SBF2: variants seen among roughly 807,000 people sequenced by gnomAD.
The protein encoded by SBF2 is SET binding factor 2.
In SBF2, 112 loss-of-function variants were observed where a neutral mutation model predicts 225.2. The observed-to-expected ratio is 0.50, with a 90% CI of 0.43 to 0.58. The LOEUF (loss-of-function observed/expected upper bound fraction) is 0.58. Among genes scored for constraint, SBF2 ranks in the 20% least tolerant of loss-of-function variants. SBF2 has a pLI of 0.00. For missense variants in SBF2, 1,996 were observed against 2,206.2 expected (o/e 0.90, Z 1.91); for synonymous variants, 763 against 773.3 (o/e 0.99, Z 0.22).
chr11:10,063,346 T>TA (rs1950515516), intron 2 of SBF2, among the ~76,000 whole-genome samples: 2 of 84,108 alleles, frequency 2.4e-5, no homozygotes, highest in African/African-American at 6.6e-5. Context: ...ATATATATAT[T>TA]TTTTTAATTT....
At chr11:10,298,268 G>A (rs1448028459), upstream of SBF2, among the ~76,000 whole-genome samples, 3 of 152,182 alleles carry the variant, frequency 2.0e-5, no homozygotes, top group African/African-American at 7.2e-5. Context: ...GCAGGTGCCT[G>A]TAATCCCAGC....
At chr11:10,176,830 A>G (rs567855305) in intron 2 of SBF2, among the ~76,000 whole-genome samples, 110 of 152,348 alleles carry the variant, frequency 7.2e-4, no homozygotes, top group Non-Finnish European at 1.4e-3. Context: ...AATCCTCCCT[A>G]ACTCATTTTA....
Position 10,208,346 on chromosome 11 carries a change from A to G in SBF2, c.56-14359T>C, listed in dbSNP as rs148635607. ...GGAAAACTATACCAGTTTAAATTATACCAATTTAAACTAAGCCTCAATAAC... is the reference window on the plus strand; with the variant it reads ...GGAAAACTATACCAGTTTAAATTATGCCAATTTAAACTAAGCCTCAATAAC... On this transcript the variant is annotated intron_variant, in intron 1 of 39. Transcript: ENST00000256190. Among the ~76,000 whole-genome samples the G allele has an allele frequency of 1.9e-3, 283 of 152,232 alleles. 2 individuals are homozygous for G. Among genetic ancestry groups the G allele is most frequent in the African/African-American group, 6.3e-3 (261 of 41,558 alleles).
chr11:9,882,478 A>G (rs1461088583), intron 17 of SBF2, among the ~76,000 whole-genome samples: 1 of 152,178 alleles, frequency 6.6e-6, no homozygotes, highest in Admixed American at 6.6e-5. Flanking sequence ...ACTTCCATAC[A>G]GTTCTGTTTT....
At chr11:10,131,042 C>T (rs773839706) in intron 2 of SBF2, among the ~76,000 whole-genome samples, 8 of 151,990 alleles carry the variant, frequency 5.3e-5, no homozygotes, top group Non-Finnish European at 1.2e-4. Context: ...GGAGAAACGC[C>T]CAAGAGTACA....
In SBF2 at chr11:9,797,377, A is replaced by C. The variant is rs1853186401; in HGVS notation, c.4444-1420T>G. 2.0e-5 allele frequency among the ~76,000 whole-genome samples: 3 copies of C among 152,342 alleles called. 1 individual carries two copies. The highest frequency in any genetic ancestry group is 6.8e-3 in the Middle Eastern group (2 of 294). On this transcript the variant is annotated intron_variant, in intron 32 of 39. Coordinates refer to ENST00000256190, the MANE Select transcript of SBF2 (RefSeq NM_030962.4). ...AATTGAAGTAAAATTTTAGCTTGTA[A>C]GTAATGTAAAATAAAATGGATTTTA...
chr11:9,974,615 C>T (rs895945137), intron 13 of SBF2, among the ~76,000 whole-genome samples: 2 of 150,694 alleles, frequency 1.3e-5, no homozygotes, highest in Admixed American at 6.6e-5. Flanking sequence ...CCACCACATA[C>T]CTGTTGGAAA....
intron 28 of SBF2, among the ~76,000 whole-genome samples, chr11:9,825,549 C>G (rs1855014978): frequency 1.3e-5 from 2 of 152,138 alleles, no homozygotes; most frequent in Admixed American, 1.3e-4. Flanking sequence ...TTAGGAAATC[C>G]TGCAATTACA....
chr11:10,233,880 C>A (rs1958957318), intron 1 of SBF2, among the ~76,000 whole-genome samples: 2 of 152,204 alleles, frequency 1.3e-5, no homozygotes, highest in South Asian at 4.1e-4. Context: ...GGTCTCCCTA[C>A]TGGGCTGGCT....
chr11:10,066,359 T>C (rs1950623846), intron 2 of SBF2, among the ~76,000 whole-genome samples: 1 of 151,224 alleles, frequency 6.6e-6, no homozygotes, highest in Non-Finnish European at 1.5e-5. Flanking sequence ...TATATATATC[T>C]TTTATTTTAG....
At chr11:10,066,303 T>C (rs1273927222) in intron 2 of SBF2, among the ~76,000 whole-genome samples, 1 of 151,264 alleles carries the variant, frequency 6.6e-6, no homozygotes, top group Non-Finnish European at 1.5e-5. Context: ...ATGAACACAG[T>C]TGTAAAAATA....
intron 13 of SBF2, among the ~76,000 whole-genome samples, chr11:9,977,966 G>A (rs1322449673): frequency 2.0e-5 from 3 of 152,120 alleles, no homozygotes; most frequent in African/African-American, 7.2e-5. Flanking sequence ...ACACATACCA[G>A]ACTTCAGTGC....
intron 2 of SBF2, among the ~76,000 whole-genome samples, chr11:10,072,911 TATCATC>T (rs1331946956): frequency 3.4e-3 from 299 of 87,864 alleles, no homozygotes; most frequent in African/African-American, 0.011. Context: ...TTATTATTAT[TATCATC>T]ATCATCATCA....
intron 2 of SBF2, among the ~76,000 whole-genome samples, chr11:10,164,620 G>A (rs1411881055): frequency 6.6e-6 from 1 of 152,148 alleles, no homozygotes; most frequent in African/African-American, 2.4e-5. Context: ...GGAGCACGGT[G>A]CTTCCTTTAA....
chr11:9,927,359 C>T (rs765981903), intron 16 of SBF2, among the ~76,000 whole-genome samples: 2 of 152,060 alleles, frequency 1.3e-5, no homozygotes, highest in South Asian at 4.2e-4. Context: ...AAAATTGAGC[C>T]GGAGTATGCA....
rs1184973617 is a variant in SBF2 at position 9,785,197 on chromosome 11, G to C, written c.5159C>G (p.Ser1720Cys). Residue 1720 changes from serine (S) to cysteine (C), a missense_variant, in exon 37 of 40, where the codon TCC (serine) becomes TGC (cysteine). Coordinates refer to ENST00000256190, the MANE Select transcript of SBF2 (RefSeq NM_030962.4). The part of the protein sequence containing the change: ...SMGEEQNSSI[S>C]PSNGVERRAA... ...TCTTCGCTCCACTCCATTGGATGGGGAGATGCTGGAATTCTGTTCCTCCCC... is the reference window on the plus strand; with the variant it reads ...TCTTCGCTCCACTCCATTGGATGGGCAGATGCTGGAATTCTGTTCCTCCCC... 6.2e-7 allele frequency: 1 copy of C among 1,614,042 alleles called. No individual in the cohort carries two copies. Among genetic ancestry groups the C allele is most frequent in the African/African-American group, 1.3e-5 (1 of 74,930 alleles).
chr11:9,910,400 G>C (rs900427330), intron 16 of SBF2, among the ~76,000 whole-genome samples: 6 of 152,130 alleles, frequency 3.9e-5, no homozygotes, highest in Admixed American at 6.6e-5. Flanking sequence ...TAATAAATGA[G>C]TATGTTACTG....
chr11:9,847,524 A>G (rs1218698888), intron 22 of SBF2, among the ~76,000 whole-genome samples: 1 of 151,800 alleles, frequency 6.6e-6, no homozygotes, highest in African/African-American at 2.4e-5. Context: ...TTTACAAAAA[A>G]AAAAAAAATA....
intron 1 of SBF2, among the ~76,000 whole-genome samples, chr11:10,234,540 G>A (rs1164154429): frequency 6.6e-6 from 1 of 152,072 alleles, no homozygotes; most frequent in African/African-American, 2.4e-5. Context: ...TTTTTCCAAA[G>A]TCAAATTTTA....
Sources: gnomAD v4.1 joint callset for allele counts (sites outside exome capture counted in the v4.1 genomes callset) on GRCh38, gnomAD v4.1.1 for gene constraint, MANE v1.5 for transcripts, NCBI Gene and HGNC (gene_info 2026-07-23, HGNC 2026-07-21) for gene names.